The following ZNF831 variants were observed in gnomAD, a reference collection of about 807,000 sequenced individuals.
ZNF831 encodes the protein zinc finger protein 831.
Under a neutral mutation model 95.8 loss-of-function variants are expected in ZNF831, and 59 were observed. The observed-to-expected ratio is 0.62, with a 90% CI of 0.50 to 0.77. The LOEUF (loss-of-function observed/expected upper bound fraction) is 0.77. Ranked by LOEUF, ZNF831 falls within the 30% of genes least tolerant of loss-of-function variation. The pLI, the probability that ZNF831 is intolerant of heterozygous loss-of-function variation, is 0.00. For missense variants in ZNF831, 2,205 were observed against 2,164.0 expected (o/e 1.02, Z -0.38); for synonymous variants, 961 against 925.5 (o/e 1.04, Z -0.70).
chr20:59,199,952 T>C (rs987429153), intron 3 of ZNF831, among the ~76,000 whole-genome samples: 2 of 152,188 alleles, frequency 1.3e-5, no homozygotes, highest in Non-Finnish European at 2.9e-5. Context: ...TATTTCATCA[T>C]TGTTGTTGAA....
rs762347625 is a variant in ZNF831, at chr20:59,191,121, C to T, written c.102C>T (p.His34=). The change falls in exon 2 of 6, where the codon CAC becomes CAT. Residue 34 remains histidine, a synonymous_variant. Transcript: ENST00000371030. ...CCCCAGGTGGCCAGGCCTCACCTCA[C>T]CTGACCCTGGGCCCTGTCCTTCTGC... The part of the protein sequence containing the change: ...PGAPGGQASP[H]LTLGPVLLPP... 3.1e-6 allele frequency: 5 copies of T among 1,597,102 alleles called. No homozygotes were observed. The highest frequency in any genetic ancestry group is 3.4e-6 in the Non-Finnish European group (4 of 1,176,956).
intron 1 of ZNF831, among the ~76,000 whole-genome samples, chr20:59,132,984 G>A (rs972425231): frequency 6.6e-6 from 1 of 151,924 alleles, no homozygotes; most frequent in Non-Finnish European, 1.5e-5. Context: ...ACGTCCGTAG[G>A]ATCACTTTGG....
chr20:59,199,072 TATC>T (rs1241839942), intron 3 of ZNF831, among the ~76,000 whole-genome samples: 1 of 272 alleles, frequency 3.7e-3, no homozygotes, highest in Non-Finnish European at 6.8e-3. Context: ...TCAACTTACA[TATC>T]TATCTATCTA....
At chr20:59,179,969 A>G (rs1049239804) in intron 1 of ZNF831, among the ~76,000 whole-genome samples, 17 of 152,308 alleles carry the variant, frequency 1.1e-4, no homozygotes, top group Non-Finnish European at 7.4e-5. Context: ...CATCTTCTCT[A>G]CAGGAGAGTT....
At chr20:59,224,193 G>A (rs1986287174) in intron 4 of ZNF831, among the ~76,000 whole-genome samples, 1 of 152,206 alleles carries the variant, frequency 6.6e-6, no homozygotes, top group Middle Eastern at 3.2e-3. Flanking sequence ...TCTTGTTCCT[G>A]GAGACCTGCT....
intron 2 of ZNF831, among the ~76,000 whole-genome samples, chr20:59,153,636 G>C (rs1038012821): frequency 2.0e-5 from 3 of 149,180 alleles, no homozygotes; most frequent in African/African-American, 7.3e-5. Context: ...TGTGGTTGGG[G>C]GCTGGTGACC....
intron 1 of ZNF831, among the ~76,000 whole-genome samples, chr20:59,139,424 C>T (rs1483236726): frequency 6.6e-6 from 1 of 152,136 alleles, no homozygotes; most frequent in Non-Finnish European, 1.5e-5. Flanking sequence ...CACCCAGCCC[C>T]CCTAAAGTTT....
rs572172061 is a variant in ZNF831, at chr20:59,228,050, T to C, written c.4027+20994T>C. ...TTCATAAAAATATGCATATTAATCATCATAAATATATAACATATGCATGTT... is the reference window on the plus strand; with the variant it reads ...TTCATAAAAATATGCATATTAATCACCATAAATATATAACATATGCATGTT... On this transcript the variant is annotated intron_variant, in intron 4 of 5. Transcript: ENST00000371030. Among the ~76,000 whole-genome samples, 9 of 152,296 alleles carry C rather than the reference T, an allele frequency of 5.9e-5. No individual in the cohort carries two copies. The South Asian group carries it at 1.7e-3, about 28-fold the overall frequency.
intron 2 of ZNF831, among the ~76,000 whole-genome samples, chr20:59,156,796 G>C (rs1019789047): frequency 6.6e-6 from 1 of 152,146 alleles, no homozygotes; most frequent in Non-Finnish European, 1.5e-5. Flanking sequence ...ATTTCACTGA[G>C]AATAACGTCC....
At chr20:59,181,531 T>C (rs1036575280) in intron 1 of ZNF831, among the ~76,000 whole-genome samples, 38 of 152,282 alleles carry the variant, frequency 2.5e-4, no homozygotes, top group African/African-American at 8.7e-4. Flanking sequence ...CTTTAATCCA[T>C]CTTAATTTTT....
intron 3 of ZNF831, among the ~76,000 whole-genome samples, chr20:59,196,689 C>G (rs575745445): frequency 6.6e-6 from 1 of 152,316 alleles, no homozygotes; most frequent in East Asian, 1.9e-4. Context: ...ATCCCATTCT[C>G]TAATCCACAT....
Position 59,195,959 on chromosome 20 carries a change from T to C in ZNF831, c.3829T>C (p.Ser1277Pro), listed in dbSNP as rs768643631. Reference protein sequence around the residue: ...KKGLPWRAKMSRGNSKQRKLK... With the variant: ...KKGLPWRAKMPRGNSKQRKLK... ...AGGCCTGCCTTGGAGGGCAAAGATG[T>C]CTCGTGGGAACAGCAAGCAGAGAAA... Residue 1277 changes from serine to proline, a missense_variant, in exon 3 of 6, where the codon TCT becomes CCT. Ser to Pro is a moderately conservative substitution (Grantham distance 74). Coordinates refer to ENST00000371030, the MANE Select transcript of ZNF831 (RefSeq NM_178457.3). The C allele has an allele frequency of 6.8e-6, 11 of 1,614,130 alleles. No individual in the cohort carries two copies. In the African/African-American group the frequency reaches 1.1e-4, roughly 16 times the overall value.
At chr20:59,155,656 C>G (rs998506354) in intron 2 of ZNF831, among the ~76,000 whole-genome samples, 8 of 152,212 alleles carry the variant, frequency 5.3e-5, no homozygotes, top group African/African-American at 4.8e-5. Flanking sequence ...GGCCAGGCCG[C>G]ACTGTCTACC....
chr20:59,236,868 T>C (rs1239160826), intron 4 of ZNF831, among the ~76,000 whole-genome samples: 1 of 152,158 alleles, frequency 6.6e-6, no homozygotes, highest in Non-Finnish European at 1.5e-5. Flanking sequence ...AGAAAAAGAT[T>C]TTCCCCCCGT....
In ZNF831 at chr20:59,144,611, G is replaced by A. The variant is rs924062061; in HGVS notation, c.-1424-1620G>A. On this transcript the variant is annotated intron_variant, in intron 1 of 7. Coordinates refer to the ZNF831 transcript ENST00000637017. ...AGATGGTGACGGGAAGGGCTTGCCC[G>A]AGGCCCTACAGTTGGCGTGCTGTGG... Among the ~76,000 whole-genome samples, 7 of 152,162 alleles carry A rather than the reference G, an allele frequency of 4.6e-5. No homozygotes were observed. In the South Asian group the frequency reaches 6.2e-4, roughly 14 times the overall value.
chr20:59,192,069 C>T lies in ZNF831; in HGVS notation c.1050C>T (p.Ser350=), dbSNP rs1386282214. 1.9e-6 allele frequency: 3 copies of T among 1,606,128 alleles called. No homozygotes were observed. The highest frequency in any genetic ancestry group is 1.7e-4 in the Middle Eastern group (1 of 6,024). Residue 350 remains serine, a synonymous_variant, in exon 2 of 6, where the codon TCC becomes TCT. Coordinates refer to ENST00000371030, the MANE Select transcript of ZNF831 (RefSeq NM_178457.3). This position sits in a 1 kb window ranked among gnomAD's most constrained non-coding sequence, Gnocchi z 5.2. ...ESTDSGYLSR[S]DSAEQPHAPC... ...CCGACTCGGGGTACCTGTCGCGCTC[C>T]GACAGCGCGGAGCAGCCGCATGCGC...
At chr20:59,224,569 T>C (rs1986315310) in intron 4 of ZNF831, among the ~76,000 whole-genome samples, 1 of 152,260 alleles carries the variant, frequency 6.6e-6, no homozygotes, top group South Asian at 2.1e-4. Context: ...CATCCATGCA[T>C]TCAGTAGCTG....
At chr20:59,209,407 G>C (rs1214584027) in intron 4 of ZNF831, among the ~76,000 whole-genome samples, 2 of 152,186 alleles carry the variant, frequency 1.3e-5, no homozygotes, top group Admixed American at 1.3e-4. Flanking sequence ...GAAAGATGGG[G>C]GTTCTTTTGG....
chr20:59,141,538 G>A (rs1397289298), intron 1 of ZNF831, among the ~76,000 whole-genome samples: 1 of 152,244 alleles, frequency 6.6e-6, no homozygotes, highest in African/African-American at 2.4e-5. Context: ...ATTTGTGTGG[G>A]TCTATTTCTG....
Sources: allele counts gnomAD v4.1 joint callset (sites outside exome capture counted in the v4.1 genomes callset), GRCh38; gene constraint gnomAD v4.1.1; non-coding constraint Gnocchi (gnomAD v3.1); transcripts MANE v1.5; gene names NCBI Gene and HGNC (gene_info 2026-07-23, HGNC 2026-07-21).